GNAS: variants seen among roughly 807,000 people sequenced by gnomAD.
GNAS encodes GNAS complex locus.
GNAS carries 8 observed loss-of-function variants against 54.5 expected under a neutral mutation model. The ratio of observed to expected loss-of-function variants is 0.15; its 90% CI spans 0.09 to 0.26. The LOEUF (loss-of-function observed/expected upper bound fraction) is 0.26, where lower values mean the gene tolerates loss of function less well. Among genes scored for constraint, GNAS ranks in the 10% least tolerant of loss-of-function variants. The pLI is 1.00. For synonymous variants in GNAS, 204 were observed against 191.4 expected (o/e 1.07, Z -0.54); for missense variants, 170 against 529.8 (o/e 0.32, Z 6.67).
intron 3 of GNAS, chr20:58,900,176 A>G (rs917444392): frequency 1.4e-5 from 8 of 578,962 alleles, no homozygotes; most frequent in Non-Finnish European, 2.2e-5. Context: ...TATGACAACT[A>G]TCCAAAAAGG....
intron 1 of GNAS, chr20:58,854,171 G>A: frequency 1.2e-6 from 2 of 1,612,840 alleles, no homozygotes; most frequent in Non-Finnish European, 1.7e-6. Flanking sequence ...GCCCCTGGAT[G>A]GAGATCTCCG....
intron 1 of GNAS, among the ~76,000 whole-genome samples, chr20:58,872,543 C>T (rs1200746392): frequency 6.6e-6 from 1 of 151,976 alleles, no homozygotes; most frequent in Non-Finnish European, 1.5e-5. Context: ...TTCTTTTTTT[C>T]TTTTTCCTTC....
intron 1 of GNAS, among the ~76,000 whole-genome samples, chr20:58,871,529 G>A (rs1221788647): frequency 2.7e-5 from 4 of 149,666 alleles, no homozygotes; most frequent in Non-Finnish European, 4.4e-5. Context: ...CAGGAGAATC[G>A]CTTGAACCCG....
At chr20:58,907,075 T>C (rs1384506097) in intron 6 of GNAS, among the ~76,000 whole-genome samples, 1 of 152,114 alleles carries the variant, frequency 6.6e-6, no homozygotes, top group African/African-American at 2.4e-5. Flanking sequence ...CTTTACTTAG[T>C]AGCCTCAAGC....
rs1246277600 is a variant in GNAS at position 58,853,265 on chromosome 20, T to G, written c.43+12379T>G. On this transcript the variant is annotated intron_variant, in intron 1 of 12. Coordinates refer to the GNAS transcript ENST00000306090. This position sits in a 1 kb window ranked among gnomAD's most constrained non-coding sequence, Gnocchi z 4.4. ...TTATTTTGAGAGGCCGCCACCGTGT[T>G]ATGGGCGTGCGCAACTGCCTCTACG... is the stretch of plus-strand genomic sequence containing the variant. 5.2e-6 allele frequency: 8 copies of G among 1,543,570 alleles called. No homozygotes were observed. The highest frequency in any genetic ancestry group is 7.0e-6 in the Non-Finnish European group (8 of 1,141,690).
chr20:58,908,348 T>A (rs886519096), intron 6 of GNAS, among the ~76,000 whole-genome samples: 5 of 152,128 alleles, frequency 3.3e-5, no homozygotes, highest in African/African-American at 1.2e-4. Flanking sequence ...AAGCGTAATA[T>A]CTGGAGTGTT....
Position 58,891,505 on chromosome 20 carries a change from G to A in GNAS, c.-222G>A. The A allele has an allele frequency of 4.1e-6, 4 of 973,170 alleles. No individual in the cohort carries two copies. Among genetic ancestry groups the A allele is most frequent in the Non-Finnish European group, 4.9e-6 (4 of 821,564 alleles). 60.3% of individuals were successfully genotyped at this position (973,170 alleles called of 1,614,324 possible). On this transcript the variant is annotated 5_prime_UTR_variant, in exon 1 of 13. Transcript: ENST00000371085. ...TCGGCCTCGGCTCGAGGGGCGGGGA[G>A]CTGCGCGCGCCCCTCGGTCCGACCG... is the stretch of plus-strand genomic sequence containing the variant.
chr20:58,864,618 G>A (rs553184880), intron 1 of GNAS, among the ~76,000 whole-genome samples: 57 of 152,292 alleles, frequency 3.7e-4, no homozygotes, highest in South Asian at 8.3e-4. Flanking sequence ...CAGGTGGCAC[G>A]TGTCTGTGAA....
At chr20:58,900,450 G>C (rs2090504315) in intron 3 of GNAS, 1 of 194,676 alleles carries the variant, frequency 5.1e-6, no homozygotes, top group Admixed American at 6.1e-5. Flanking sequence ...TCCTTCCTTT[G>C]TCTGTCTTTT....
chr20:58,853,129 G>T lies in GNAS; in HGVS notation c.43+12243G>T. On this transcript the variant is annotated intron_variant, in intron 1 of 12. Coordinates refer to the GNAS transcript ENST00000306090. The surrounding 1 kb of genome is among the most constrained non-coding windows in gnomAD (Gnocchi z 4.4). ...CCTTGAACCCCCCAACCTCACAAGG[G>T]TTGGAAAGTGAGGCCGGTGAACTTT... is the stretch of plus-strand genomic sequence containing the variant. 7.0e-7 allele frequency: 1 copy of T among 1,431,960 alleles called. No individual in the cohort carries two copies. The highest frequency in any genetic ancestry group is 9.1e-7 in the Non-Finnish European group (1 of 1,098,904). The allele number at this position is 1,431,960 out of a possible 1,614,324, so 88.7% of individuals were successfully genotyped here.
chr20:58,911,119 GAAAC>G lies in GNAS; in HGVS notation c.*294_*297del, dbSNP rs1319013955. On this transcript the variant is annotated 3_prime_UTR_variant, in exon 13 of 13. Coordinates refer to ENST00000371085, the MANE Select transcript of GNAS (RefSeq NM_000516.7). ...AGCAAACAAATAAAATGAAATAAAA[GAAAC>G]AAATGAAATAAATATTGTGTTGTGC... 1.8e-6 allele frequency: 1 copy of G among 561,316 alleles called. No individual in the cohort carries two copies. Among genetic ancestry groups the G allele is most frequent in the Non-Finnish European group, 3.3e-6 (1 of 304,454 alleles). 34.8% of individuals were successfully genotyped at this position (561,316 alleles called of 1,614,324 possible).
chr20:58,907,536 G>T (rs2091153878), intron 6 of GNAS, among the ~76,000 whole-genome samples: 1 of 152,198 alleles, frequency 6.6e-6, no homozygotes, highest in Non-Finnish European at 1.5e-5. Flanking sequence ...GAATGCTGGG[G>T]GGGCAGGGAG....
chr20:58,887,802 GC>G (rs1224510945), upstream of GNAS, among the ~76,000 whole-genome samples: 1 of 152,080 alleles, frequency 6.6e-6, no homozygotes, highest in East Asian at 1.9e-4. Flanking sequence ...ACTTTGAATC[GC>G]CCTCTGTTGT....
intron 1 of GNAS, chr20:58,892,391 C>A: frequency 8.9e-6 from 1 of 112,228 alleles, no homozygotes; most frequent in Non-Finnish European, 1.8e-5. Context: ...GGGGGTGACG[C>A]TGGGGGGCGC....
chr20:58,882,224 G>A (rs888003988), intron 1 of GNAS, among the ~76,000 whole-genome samples: 41 of 152,276 alleles, frequency 2.7e-4, no homozygotes, highest in African/African-American at 7.9e-4. Flanking sequence ...GCCCGCCACT[G>A]CGCCCGGCTA....
At chr20:58,854,003 C>G (rs760110788) in intron 1 of GNAS, 1 of 1,611,858 alleles carries the variant, frequency 6.2e-7, no homozygotes, top group Non-Finnish European at 8.5e-7. Context: ...CCCGAGTTAT[C>G]GCACAAGTCG....
At chr20:58,844,627 T>C (rs2085872488) in intron 1 of GNAS, among the ~76,000 whole-genome samples, 1 of 152,118 alleles carries the variant, frequency 6.6e-6, no homozygotes, top group Non-Finnish European at 1.5e-5. Context: ...CAGCTCCAAA[T>C]GTCTAGATTG....
At chr20:58,888,998 C>A, upstream of GNAS, 1 of 915,096 alleles carries the variant, frequency 1.1e-6, no homozygotes, top group African/African-American at 1.8e-5. Context: ...CACGCCCGCG[C>A]GGTCCCGGCA....
Position 58,911,059 on chromosome 20 carries a change from C to T in GNAS, c.*230C>T, listed in dbSNP as rs972299283. Reference sequence around the variant, plus strand: ...AAGGAAAAAAGGCCACAAAAGTTCCCTCTCACTTTCAGTAAAAATAAATAA... The same window carrying T: ...AAGGAAAAAAGGCCACAAAAGTTCCTTCTCACTTTCAGTAAAAATAAATAA... On this transcript the variant is annotated 3_prime_UTR_variant, in exon 13 of 13. Transcript: ENST00000371085. 1.8e-5 allele frequency: 12 copies of T among 665,246 alleles called. No individual in the cohort carries two copies. Among genetic ancestry groups the T allele is most frequent in the African/African-American group, 8.8e-5 (5 of 56,530 alleles). The allele number at this position is 665,246 out of a possible 1,614,324, so 41.2% of individuals were successfully genotyped here. A position where few individuals can be genotyped will look rare whatever the true frequency, so the allele number is the denominator to read the frequency against.
Sources: allele counts gnomAD v4.1 joint callset (sites outside exome capture counted in the v4.1 genomes callset), GRCh38; gene constraint gnomAD v4.1.1; non-coding constraint Gnocchi (gnomAD v3.1); transcripts MANE v1.5; gene names NCBI Gene and HGNC (gene_info 2026-07-23, HGNC 2026-07-21).